The following ZFHX3 variants were observed in gnomAD, a reference collection of about 807,000 sequenced individuals.
The protein encoded by ZFHX3 is zinc finger homeobox 3.
A neutral mutation model predicts 279.1 loss-of-function variants in ZFHX3; 42 were observed. The ratio of observed to expected loss-of-function variants is 0.15; its 90% CI spans 0.12 to 0.19. ZFHX3 has a LOEUF of 0.19. ZFHX3 is among the 10% of genes least tolerant of loss of function. The probability of loss-of-function intolerance (pLI) is 1.00; values close to 1 mark genes in which losing one functional copy is unlikely to be tolerated. For synonymous variants in ZFHX3, 2,293 were observed against 1,957.8 expected, an observed-to-expected ratio of 1.17 and a Z score of -4.52; for missense variants, 4,981 against 4,754.0, an observed-to-expected ratio of 1.05 and a Z score of -1.40.
In ZFHX3 at chr16:73,127,365, T is replaced by A. The variant is rs186261082; in HGVS notation, c.-897+3603A>T. 1.0e-3 allele frequency: 1,299 copies of A among 1,305,448 alleles called. 2 individuals carry two copies. The highest frequency in any genetic ancestry group is 1.2e-3 in the Non-Finnish European group (1,193 of 988,944). The allele number at this position is 1,305,448 out of a possible 1,614,324, so 80.9% of individuals were successfully genotyped here. On this transcript the variant is annotated intron_variant, in intron 7 of 17. Coordinates refer to the ZFHX3 transcript ENST00000641206. Reference sequence around the variant, plus strand: ...AAAGCCGATAAAAAGTCAATTCCACTTAACTGAATGGCTGCTAACTAAATA... The same window carrying A: ...AAAGCCGATAAAAAGTCAATTCCACATAACTGAATGGCTGCTAACTAAATA...
chr16:73,043,532 A>G (rs1282173337), intron 1 of ZFHX3, among the ~76,000 whole-genome samples: 1 of 152,164 alleles, frequency 6.6e-6, no homozygotes, highest in East Asian at 1.9e-4. Flanking sequence ...GAAAGAAAAA[A>G]TCCCCTTTAA....
At chr16:73,650,003 G>A (rs2052655828) in intron 2 of ZFHX3, among the ~76,000 whole-genome samples, 1 of 152,154 alleles carries the variant, frequency 6.6e-6, no homozygotes, top group African/African-American at 2.4e-5. Context: ...TTATTTATCT[G>A]TGCGTCAGTT....
intron 2 of ZFHX3, among the ~76,000 whole-genome samples, chr16:73,586,194 G>C (rs2051924189): frequency 6.6e-6 from 1 of 152,012 alleles, no homozygotes; most frequent in African/African-American, 2.4e-5. Flanking sequence ...TTCAAGATGA[G>C]CCTGGCCAAC....
chr16:73,165,370 T>C (rs758160289), intron 5 of ZFHX3, among the ~76,000 whole-genome samples: 10 of 152,196 alleles, frequency 6.6e-5, no homozygotes, highest in Non-Finnish European at 1.3e-4. Context: ...CTCAAGCCTC[T>C]GGGTTCTTAA....
At chr16:72,910,333 T>A (rs1338775328) in intron 3 of ZFHX3, among the ~76,000 whole-genome samples, 1 of 152,208 alleles carries the variant, frequency 6.6e-6, no homozygotes, top group Admixed American at 6.5e-5. Context: ...CAGGTCATTA[T>A]CATCCCTGCG....
intron 8 of ZFHX3, chr16:73,093,065 A>C (rs1271056405): frequency 1.9e-6 from 1 of 519,702 alleles, no homozygotes; most frequent in Non-Finnish European, 3.8e-6. Context: ...TCCTTTTGCT[A>C]TTTGACCCCT....
chr16:73,009,173 G>GT (rs1372930853), intron 1 of ZFHX3, among the ~76,000 whole-genome samples: 1 of 151,502 alleles, frequency 6.6e-6, no homozygotes, highest in African/African-American at 2.4e-5. Context: ...GCATCATACC[G>GT]TATCAACTCC....
intron 3 of ZFHX3, among the ~76,000 whole-genome samples, chr16:73,402,966 TAGAG>T (rs1202279297): frequency 1.3e-5 from 2 of 150,552 alleles, no homozygotes; most frequent in Admixed American, 6.6e-5. Context: ...TAAGAGGTAA[TAGAG>T]AGAGCTAACA....
At chr16:72,844,133 G>T (rs1386129731) in intron 4 of ZFHX3, among the ~76,000 whole-genome samples, 3 of 152,168 alleles carry the variant, frequency 2.0e-5, no homozygotes, top group Non-Finnish European at 4.4e-5. Context: ...TCGATATTCT[G>T]GATCAGGGTG....
At chr16:72,835,760 C>T (rs1044964101) in intron 4 of ZFHX3, among the ~76,000 whole-genome samples, 4 of 151,964 alleles carry the variant, frequency 2.6e-5, no homozygotes, top group Admixed American at 6.6e-5. Flanking sequence ...TGTGTAGGTG[C>T]GGCATCCTGA....
At chr16:73,149,119 T>C (rs1325767490) in intron 5 of ZFHX3, among the ~76,000 whole-genome samples, 1 of 148,676 alleles carries the variant, frequency 6.7e-6, no homozygotes, top group Non-Finnish European at 1.5e-5. Flanking sequence ...TGATATTTTA[T>C]ATAATTACAT....
At chr16:73,814,876 C>A (rs986356455) in intron 1 of ZFHX3, among the ~76,000 whole-genome samples, 3 of 152,128 alleles carry the variant, frequency 2.0e-5, no homozygotes, top group Non-Finnish European at 4.4e-5. Flanking sequence ...GCCCACTTCA[C>A]AACTTCTTAA....
At chr16:72,939,649 A>C (rs1266892434) in intron 3 of ZFHX3, among the ~76,000 whole-genome samples, 1 of 152,216 alleles carries the variant, frequency 6.6e-6, no homozygotes, top group Non-Finnish European at 1.5e-5. Context: ...GCACTTTGGG[A>C]GGCCCAAGTG....
intron 2 of ZFHX3, among the ~76,000 whole-genome samples, chr16:73,546,488 C>G (rs199860459): frequency 1.1e-5 from 1 of 94,034 alleles, no homozygotes; most frequent in South Asian, 3.9e-4. Context: ...GTTTTGTTTT[C>G]TTTTTGGCGG....
intron 4 of ZFHX3, among the ~76,000 whole-genome samples, chr16:72,870,229 A>G (rs1722209861): frequency 6.6e-6 from 1 of 151,936 alleles, no homozygotes; most frequent in Non-Finnish European, 1.5e-5. Context: ...TCATCTCTAC[A>G]AAAAATACAA....
chr16:73,794,771 T>A (rs963076178), intron 1 of ZFHX3, among the ~76,000 whole-genome samples: 2 of 152,218 alleles, frequency 1.3e-5, no homozygotes, highest in Non-Finnish European at 2.9e-5. Context: ...GATTAGACGC[T>A]TTTATCTCAT....
chr16:73,717,258 T>C (rs1970322650), intron 1 of ZFHX3, among the ~76,000 whole-genome samples: 1 of 152,182 alleles, frequency 6.6e-6, no homozygotes, highest in African/African-American at 2.4e-5. Flanking sequence ...TGTTTGCTTA[T>C]TTATTTACTT....
rs189832429 is a variant in ZFHX3 at position 73,598,914 on chromosome 16, C to A, written c.-1547+81266G>T. Among the ~76,000 whole-genome samples, 555 of 152,302 alleles carry A rather than the reference C, an allele frequency of 3.6e-3. 8 individuals carry two copies. Among genetic ancestry groups the A allele is most frequent in the African/African-American group, 0.013 (530 of 41,570 alleles). ...AGTAGCTGGGATTACAGGAGCCTGC[C>A]ACCACGCCTGGCTAATTTTTGTATT... On this transcript the variant is annotated intron_variant, in intron 2 of 17. Transcript: ENST00000641206.
rs34914604 is a variant in ZFHX3 at position 73,883,399 on chromosome 16, A to ATGTGTG, written c.-1608+8246_-1608+8251dup. On this transcript the variant is annotated intron_variant, in intron 1 of 17. Transcript: ENST00000641206. ...ACACAGTAGCACATAAGCCATATAT[A>ATGTGTG]TGTGTGTGTGTGTGTGTGTGTGTGT... Among the ~76,000 whole-genome samples the ATGTGTG allele has an allele frequency of 1.5e-3, 217 of 149,176 alleles. 2 individuals carry two copies. Among genetic ancestry groups the ATGTGTG allele is most frequent in the African/African-American group, 4.8e-3 (194 of 40,446 alleles).
Sources: gnomAD v4.1 joint callset for allele counts (sites outside exome capture counted in the v4.1 genomes callset) on GRCh38, gnomAD v4.1.1 for gene constraint, MANE v1.5 for transcripts, NCBI Gene and HGNC (gene_info 2026-07-23, HGNC 2026-07-21) for gene names.